The following PLA2G7 variants were observed in gnomAD, a reference collection of about 807,000 sequenced individuals.
The protein encoded by PLA2G7 is phospholipase A2 group VII, also known as platelet-activating factor acetylhydrolase.
Under a neutral mutation model 49.6 loss-of-function variants are expected in PLA2G7, and 63 were observed. The ratio of observed to expected loss-of-function variants is 1.27; its 90% CI spans 1.04 to 1.57. The LOEUF is 1.57. PLA2G7 is among the 40% of genes most tolerant of loss of function. PLA2G7 has a pLI of 0.00. For synonymous variants in PLA2G7, 193 were observed against 169.9 expected, an observed-to-expected ratio of 1.14 and a Z score of -1.06; for missense variants, 596 against 521.2, an observed-to-expected ratio of 1.14 and a Z score of -1.40.
In PLA2G7 at chr6:46,716,467, A is replaced by G. The variant is rs1765205213; in HGVS notation, c.293T>C (p.Ile98Thr). 1 of 1,613,678 alleles carries G rather than the reference A, an allele frequency of 6.2e-7. No homozygotes were observed. The highest frequency in any genetic ancestry group is 8.5e-7 in the Non-Finnish European group (1 of 1,179,584). Residue 98 changes from isoleucine to threonine, a missense_variant, in exon 4 of 12, where the codon ATC (isoleucine) becomes ACC (threonine). Ile to Thr is a moderately conservative substitution (Grantham distance 89). Transcript: ENST00000274793. The part of the protein sequence containing the change: ...QDNDRLDTLW[I>T]PNKEYFWGLS... Reference sequence around the variant, plus strand: ...ACCCCAAAAATATTCTTTATTTGGGATCCAAAGGGTGTCAAGGCGATCATT... The same window carrying G: ...ACCCCAAAAATATTCTTTATTTGGGGTCCAAAGGGTGTCAAGGCGATCATT...
chr6:46,735,514 C>G (rs1160420056), upstream of PLA2G7: 1 of 152,438 alleles, frequency 6.6e-6, no homozygotes, highest in Non-Finnish European at 1.5e-5. Flanking sequence ...CCTGCTCGAG[C>G]GCACCCAGCA....
intron 2 of PLA2G7, among the ~76,000 whole-genome samples, chr6:46,720,250 G>A (rs1396703321): frequency 6.6e-6 from 1 of 152,242 alleles, no homozygotes; most frequent in East Asian, 1.9e-4. Flanking sequence ...GCTCAGTTCT[G>A]GAGGCATGGG....
At chr6:46,710,173 C>T (rs1354358882) in intron 8 of PLA2G7, among the ~76,000 whole-genome samples, 2 of 152,066 alleles carry the variant, frequency 1.3e-5, no homozygotes, top group African/African-American at 4.8e-5. Flanking sequence ...TTCATGCTGC[C>T]CACTCTGTCT....
intron 8 of PLA2G7, among the ~76,000 whole-genome samples, chr6:46,710,292 A>G (rs1483084748): frequency 6.6e-6 from 1 of 152,138 alleles, no homozygotes; most frequent in Admixed American, 6.5e-5. Flanking sequence ...GTTGAGTTGA[A>G]CCATATGACA....
intron 3 of PLA2G7, 79 bp downstream of exon 3, chr6:46,716,896 C>T: frequency 7.0e-7 from 1 of 1,438,482 alleles, no homozygotes; most frequent in African/African-American, 1.4e-5. Context: ...GGCAAGGTCA[C>T]ATTTGAACAC....
At chr6:46,734,473 AGAGAGAGAGAGAGAGAGAC>A (rs1765847741) in intron 1 of PLA2G7, among the ~76,000 whole-genome samples, 1 of 115,728 alleles carries the variant, frequency 8.6e-6, no homozygotes, top group East Asian at 2.4e-4. Context: ...AGAGAGAGAG[AGAGAGAGAGAGAGAGAGAC>A]GGAGAGAGAG....
At chr6:46,713,407 G>A (rs1765096415) in intron 5 of PLA2G7, among the ~76,000 whole-genome samples, 1 of 152,218 alleles carries the variant, frequency 6.6e-6, no homozygotes, top group African/African-American at 2.4e-5. Flanking sequence ...GAACTCTGCT[G>A]TTGTAGGACA....
At chr6:46,706,756 G>A (rs45514894) in intron 10 of PLA2G7, among the ~76,000 whole-genome samples, 88 of 152,308 alleles carry the variant, frequency 5.8e-4, no homozygotes, top group African/African-American at 2.0e-3. Context: ...ATAGGGTTGA[G>A]GGAAGGTTAG....
chr6:46,721,351 A>G (rs1429674186), intron 2 of PLA2G7, among the ~76,000 whole-genome samples: 1 of 152,066 alleles, frequency 6.6e-6, no homozygotes, highest in African/African-American at 2.4e-5. Flanking sequence ...CCCGGCCTGC[A>G]TTCATTTTTG....
chr6:46,717,003 G>C lies in PLA2G7; in HGVS notation c.203C>G (p.Thr68Arg), dbSNP rs200125653. Residue 68 changes from threonine (T) to arginine (R), a missense_variant, in exon 3 of 12, where the codon ACA becomes AGA. Physicochemically the swap from Thr to Arg is moderately conservative, Grantham distance 71. Transcript: ENST00000274793. Reference sequence around the variant, plus strand: ...ATTAGTGTGATCAAACATTAAGTCTGTACAACCAACGGAATAAGGCCCATT... The same window carrying C: ...ATTAGTGTGATCAAACATTAAGTCTCTACAACCAACGGAATAAGGCCCATT... Reference protein sequence around the residue: ...RGNGPYSVGCTDLMFDHTNKG... With the variant: ...RGNGPYSVGCRDLMFDHTNKG... 5.8e-5 allele frequency: 93 copies of C among 1,613,580 alleles called. 1 individual carries two copies. In the South Asian group the frequency reaches 1.0e-3, roughly 18 times the overall value.
intron 10 of PLA2G7, among the ~76,000 whole-genome samples, chr6:46,705,575 T>C (rs1292183182): frequency 6.6e-6 from 1 of 152,338 alleles, no homozygotes; most frequent in East Asian, 1.9e-4. Flanking sequence ...ATTCTTGCTT[T>C]TTAGTGAATT....
chr6:46,704,568 ATTT>A lies in PLA2G7; in HGVS notation c.1315_1317del (p.Lys439del). On this transcript the variant is annotated inframe_deletion, in exon 12 of 12. Coordinates refer to ENST00000274793, the MANE Select transcript of PLA2G7 (RefSeq NM_005084.4). ...AAAAACCTATTTTAATCCTAATTGT[ATTT>A]CTCTATTCCTGAAGAGTTCTGTAAC... The A allele has an allele frequency of 6.3e-7, 1 of 1,586,174 alleles. No homozygotes were observed. Among genetic ancestry groups the A allele is most frequent in the Non-Finnish European group, 8.7e-7 (1 of 1,155,204 alleles).
At position 46,724,761 on chromosome 6, in the gene PLA2G7, C is replaced by T. The variant is rs561019618; in HGVS notation, c.-34-1836G>A. Among the ~76,000 whole-genome samples the T allele has an allele frequency of 5.9e-5, 9 of 152,334 alleles. No individual in the cohort carries two copies. In the South Asian group the frequency reaches 1.9e-3, roughly 32 times the overall value. On this transcript the variant is annotated intron_variant, in intron 1 of 11. Coordinates refer to ENST00000274793, the MANE Select transcript of PLA2G7 (RefSeq NM_005084.4). ...TACCTAGTCACTGAACAGAGAAGAG[C>T]CCCTGCCAATTCAAATGACCTTTCA...
At chr6:46,717,223 A>C in intron 2 of PLA2G7, 127 bp from the exon 3 acceptor site, 2 of 835,758 alleles carry the variant, frequency 2.4e-6, no homozygotes, top group South Asian at 2.8e-5. Flanking sequence ...TCAACCTAAC[A>C]AGTAAGATAT....
rs201227058 is a variant in PLA2G7, at chr6:46,735,205, G to C, written c.-60C>G. On this transcript the variant is annotated 5_prime_UTR_variant, in exon 1 of 12. Transcript: ENST00000274793. ...TCAGGCGCGGCGCGGAGCTGCTCGC[G>C]GGAACTGGGGTCCCTGGGCGCGTTC... The C allele has an allele frequency of 6.6e-6, 1 of 152,190 alleles. No homozygotes were observed. Among genetic ancestry groups the C allele is most frequent in the East Asian group, 1.9e-4 (1 of 5,160 alleles). 9.4% of individuals were successfully genotyped at this position (152,190 alleles called of 1,614,324 possible).
intron 1 of PLA2G7, among the ~76,000 whole-genome samples, chr6:46,724,709 G>T (rs751309886): frequency 6.6e-6 from 1 of 152,208 alleles, no homozygotes; most frequent in African/African-American, 2.4e-5. Flanking sequence ...CTGATGTAGT[G>T]CAGTCTTGAA....
At chr6:46,714,642 C>T in intron 4 of PLA2G7, 89 bp from the exon 5 acceptor site, 1 of 821,656 alleles carries the variant, frequency 1.2e-6, no homozygotes, top group South Asian at 1.4e-5. Flanking sequence ...AAATGCAGAC[C>T]CATCTGATTT....
Position 46,704,472 on chromosome 6 carries a change from TCTCTCTCA to T in PLA2G7, c.*80_*87del, listed in dbSNP as rs760267635. On this transcript the variant is annotated 3_prime_UTR_variant, in exon 12 of 12. Coordinates refer to ENST00000274793, the MANE Select transcript of PLA2G7 (RefSeq NM_005084.4). Reference sequence around the variant, plus strand: ...CTCTCTCTCTCTCTCTCTCTCTCTCTCTCTCTCACACACACACACACACACACACACAC... The same window carrying T: ...CTCTCTCTCTCTCTCTCTCTCTCTCTCACACACACACACACACACACACAC... 3.1e-3 allele frequency: 319 copies of T among 102,322 alleles called. No individual in the cohort carries two copies. In the East Asian group the frequency reaches 0.034, roughly 11 times the overall value. The allele number at this position is 102,322 out of a possible 1,614,324, so 6.3% of individuals were successfully genotyped here.
chr6:46,724,232 C>A (rs1234172370), intron 1 of PLA2G7, among the ~76,000 whole-genome samples: 1 of 152,130 alleles, frequency 6.6e-6, no homozygotes, highest in East Asian at 1.9e-4. Context: ...ACTAACGTAC[C>A]TTGTATGTTA....
Sources: allele counts gnomAD v4.1 joint callset (sites outside exome capture counted in the v4.1 genomes callset), GRCh38; gene constraint gnomAD v4.1.1; transcripts MANE v1.5; gene names NCBI Gene and HGNC (gene_info 2026-07-23, HGNC 2026-07-21).